FGF12: variants seen among roughly 807,000 people sequenced by gnomAD.
FGF12 encodes fibroblast growth factor 12, also known as fibroblast growth factor 12B.
FGF12 carries 14 observed loss-of-function variants against 23.6 expected under a neutral mutation model. That is an observed-to-expected ratio of 0.59 (90% CI 0.39 to 0.93). The LOEUF (loss-of-function observed/expected upper bound fraction) is 0.93, where lower values mean the gene tolerates loss of function less well. FGF12 is among the 40% of genes least tolerant of loss of function. The pLI is 0.00. For synonymous variants in FGF12, 62 were observed against 77.3 expected (o/e 0.80, Z 1.04); for missense variants, 175 against 217.8 (o/e 0.80, Z 1.24).
chr3:192,304,551 T>G (rs922252024), intron 4 of FGF12, among the ~76,000 whole-genome samples: 3 of 152,162 alleles, frequency 2.0e-5, no homozygotes, highest in Admixed American at 6.6e-5. Context: ...GGACCTACAG[T>G]AGTCAGTTTC....
At chr3:192,246,762 T>C (rs1183048219) in intron 4 of FGF12, among the ~76,000 whole-genome samples, 3 of 146,226 alleles carry the variant, frequency 2.1e-5, no homozygotes, top group African/African-American at 7.6e-5. Context: ...GAAGCAGAGA[T>C]TGCAGTGAGC....
Position 192,158,358 on chromosome 3 carries a change from CTT to C in FGF12, c.427+12098_427+12099del, listed in dbSNP as rs1221823946. Among the ~76,000 whole-genome samples, 5 of 110,826 alleles carry C rather than the reference CTT, an allele frequency of 4.5e-5. No homozygotes were observed. In the East Asian group the frequency reaches 1.1e-3, roughly 24 times the overall value. The allele number at this position is 110,826 out of a possible 152,430, so 72.7% of individuals were successfully genotyped here. ...TCTTTCTTTCTTTCTTTCTTTCTTT[CTT>C]TCTTTCTTTCTTTCTTTCTTTCTTT... is the stretch of plus-strand genomic sequence containing the variant. On this transcript the variant is annotated intron_variant, in intron 5 of 5. Transcript: ENST00000445105.
At chr3:192,192,323 A>G (rs994378069) in intron 4 of FGF12, among the ~76,000 whole-genome samples, 4 of 151,640 alleles carry the variant, frequency 2.6e-5, no homozygotes, top group Non-Finnish European at 4.4e-5. Context: ...GGCTTACAAA[A>G]ATTTATAAGT....
At chr3:192,492,956 ATTTT>A (rs766838831) in intron 2 of FGF12, among the ~76,000 whole-genome samples, 3,134 of 121,562 alleles carry the variant, frequency 0.026, 118 homozygotes, top group African/African-American at 0.089. Flanking sequence ...AATTTTTGTA[ATTTT>A]TTTTTTTTTT....
chr3:192,298,108 C>T (rs1715144244), intron 4 of FGF12, among the ~76,000 whole-genome samples: 1 of 152,154 alleles, frequency 6.6e-6, no homozygotes, highest in Admixed American at 6.6e-5. Context: ...CACTAGTCAT[C>T]CCAACATAAA....
At chr3:192,324,169 A>C (rs1459662098) in intron 4 of FGF12, among the ~76,000 whole-genome samples, 1 of 152,074 alleles carries the variant, frequency 6.6e-6, no homozygotes, top group Non-Finnish European at 1.5e-5. Context: ...GTGCCCACAA[A>C]ACTTAAAATT....
intron 2 of FGF12, among the ~76,000 whole-genome samples, chr3:192,368,737 C>T (rs894937543): frequency 6.6e-6 from 1 of 152,238 alleles, no homozygotes; most frequent in South Asian, 2.1e-4. Flanking sequence ...TTCACTCATG[C>T]ATTGCCTCTG....
chr3:192,453,522 A>G (rs932167514), intron 2 of FGF12, among the ~76,000 whole-genome samples: 1 of 152,182 alleles, frequency 6.6e-6, no homozygotes, highest in African/African-American at 2.4e-5. Context: ...ATATCTTTAC[A>G]TTCTGAGGAT....
intron 4 of FGF12, among the ~76,000 whole-genome samples, chr3:192,332,976 C>T (rs1717203377): frequency 6.6e-6 from 1 of 151,946 alleles, no homozygotes; most frequent in South Asian, 2.1e-4. Flanking sequence ...TGACTTAAGT[C>T]GAGAGAAGAA....
intron 2 of FGF12, among the ~76,000 whole-genome samples, chr3:192,597,397 A>C (rs1713905023): frequency 6.6e-6 from 1 of 152,214 alleles, no homozygotes; most frequent in African/African-American, 2.4e-5. Context: ...ACCAGCATGT[A>C]TTACCATCAT....
chr3:192,621,164 T>C (rs1305486345), intron 2 of FGF12, among the ~76,000 whole-genome samples: 2 of 152,202 alleles, frequency 1.3e-5, no homozygotes, highest in East Asian at 3.9e-4. Context: ...TGTGCGCTTT[T>C]CCCTCACCTT....
intron 2 of FGF12, among the ~76,000 whole-genome samples, chr3:192,472,438 C>T (rs779566823): frequency 6.6e-6 from 1 of 152,152 alleles, no homozygotes; most frequent in East Asian, 1.9e-4. Context: ...CTTAACATTT[C>T]CTTTCCTAAC....
At chr3:192,465,192 T>A (rs1375909445) in intron 2 of FGF12, among the ~76,000 whole-genome samples, 1 of 152,200 alleles carries the variant, frequency 6.6e-6, no homozygotes, top group African/African-American at 2.4e-5. Context: ...AAATGCAAAT[T>A]AGCTGGTTAA....
chr3:192,714,513 A>ATTTTTTTTTTTTTTTTTTTTTTTTTTT lies in FGF12; in HGVS notation c.13+12667_13+12668insAAAAAAAAAAAAAAAAAAAAAAAAAAA, dbSNP rs770781442. Among the ~76,000 whole-genome samples, 11 of 99,744 alleles carry ATTTTTTTTTTTTTTTTTTTTTTTTTTT rather than the reference A, an allele frequency of 1.1e-4. 1 individual carries two copies. Among genetic ancestry groups the ATTTTTTTTTTTTTTTTTTTTTTTTTTT allele is most frequent in the East Asian group, 9.5e-4 (3 of 3,152 alleles). 65.4% of individuals were successfully genotyped at this position (99,744 alleles called of 152,430 possible). A position where few individuals can be genotyped will look rare whatever the true frequency, so the allele number is the denominator to read the frequency against. On this transcript the variant is annotated intron_variant, in intron 2 of 5. Transcript: ENST00000445105. ...CTTATTTATAGATCTTAAGGAAATA[A>ATTTTTTTTTTTTTTTTTTTTTTTTTTT]TTTTTTTTTTTTTTTTTTTTTTTGA...
chr3:192,637,502 G>A (rs1007339097), intron 2 of FGF12, among the ~76,000 whole-genome samples: 1 of 152,154 alleles, frequency 6.6e-6, no homozygotes, highest in East Asian at 1.9e-4. Context: ...TACCAAATGT[G>A]CCTTTCAGAA....
At chr3:192,486,965 T>C (rs1246151712) in intron 2 of FGF12, among the ~76,000 whole-genome samples, 1 of 152,110 alleles carries the variant, frequency 6.6e-6, no homozygotes, top group South Asian at 2.1e-4. Context: ...ACTTAAAATA[T>C]CTGGATTTCC....
chr3:192,458,237 C>T (rs1722740591), intron 2 of FGF12, among the ~76,000 whole-genome samples: 1 of 152,194 alleles, frequency 6.6e-6, no homozygotes, highest in African/African-American at 2.4e-5. Flanking sequence ...AGAGTCCCTA[C>T]TGGGGCACTG....
chr3:192,577,761 A>G (rs1313147749), intron 2 of FGF12, among the ~76,000 whole-genome samples: 4 of 152,208 alleles, frequency 2.6e-5, no homozygotes, highest in Non-Finnish European at 4.4e-5. Flanking sequence ...CATCTTTCTA[A>G]TCTCACAATG....
At chr3:192,669,954 A>G (rs1717048693) in intron 2 of FGF12, among the ~76,000 whole-genome samples, 1 of 152,216 alleles carries the variant, frequency 6.6e-6, no homozygotes, top group Non-Finnish European at 1.5e-5. Context: ...GTTAATTGAT[A>G]TGACTTTGAA....
Sources: gnomAD v4.1 joint callset for allele counts (sites outside exome capture counted in the v4.1 genomes callset) on GRCh38, gnomAD v4.1.1 for gene constraint, MANE v1.5 for transcripts, NCBI Gene and HGNC (gene_info 2026-07-23, HGNC 2026-07-21) for gene names.